PTPRU: variants seen among roughly 807,000 people sequenced by gnomAD.
PTPRU encodes the protein protein tyrosine phosphatase receptor type U, also known as receptor-type tyrosine-protein phosphatase U.
A neutral mutation model predicts 166.3 loss-of-function variants in PTPRU; 69 were observed. The ratio of observed to expected loss-of-function variants is 0.41; its 90% confidence interval spans 0.34 to 0.51. The LOEUF (loss-of-function observed/expected upper bound fraction) is 0.51. PTPRU is among the 20% of genes least tolerant of loss of function. The pLI is 0.09. For synonymous variants in PTPRU, 793 were observed against 814.0 expected (o/e 0.97, Z 0.44); for missense variants, 1,657 against 2,013.7 (o/e 0.82, Z 3.39).
chr1:29,295,108 C>T (rs761070906), intron 15 of PTPRU, among the ~76,000 whole-genome samples: 3 of 152,172 alleles, frequency 2.0e-5, no homozygotes, highest in Non-Finnish European at 4.4e-5. Flanking sequence ...ACAATCTGGG[C>T]TCACTGCAAC....
chr1:29,247,083 C>T (rs1035387512), intron 1 of PTPRU, among the ~76,000 whole-genome samples: 1 of 152,238 alleles, frequency 6.6e-6, no homozygotes, highest in Non-Finnish European at 1.5e-5. Context: ...ATCCCCTTAT[C>T]TCTCTGTTGT....
chr1:29,321,884 A>C (rs1044828618), intron 26 of PTPRU, among the ~76,000 whole-genome samples: 1 of 151,792 alleles, frequency 6.6e-6, no homozygotes, highest in East Asian at 1.9e-4. Context: ...AGCCCCTCTG[A>C]CTCCCCTGTT....
intron 7 of PTPRU, among the ~76,000 whole-genome samples, chr1:29,261,973 G>A (rs1187043785): frequency 6.6e-6 from 1 of 152,194 alleles, no homozygotes; most frequent in African/African-American, 2.4e-5. Flanking sequence ...TAATATCACA[G>A]TCAAGATATT....
chr1:29,248,719 C>A (rs1574604282), intron 1 of PTPRU, among the ~76,000 whole-genome samples: 3 of 152,144 alleles, frequency 2.0e-5, no homozygotes. Context: ...TGTGTTCACA[C>A]TGACACATAC....
At chr1:29,293,140 C>T (rs1686720067) in intron 15 of PTPRU, among the ~76,000 whole-genome samples, 1 of 152,156 alleles carries the variant, frequency 6.6e-6, no homozygotes, top group Non-Finnish European at 1.5e-5. Context: ...CCACCACACC[C>T]AGATAATTTT....
At chr1:29,259,640 C>T (rs980770000) in intron 5 of PTPRU, 76 bp downstream of exon 5, 1 of 1,400,072 alleles carries the variant, frequency 7.1e-7, no homozygotes, top group African/African-American at 1.4e-5. Context: ...TGACTCCCCC[C>T]AGATTGCTGA....
chr1:29,298,370 G>T (rs1686988165), intron 15 of PTPRU, among the ~76,000 whole-genome samples: 1 of 152,122 alleles, frequency 6.6e-6, no homozygotes, highest in South Asian at 2.1e-4. Context: ...CCACTTGCTG[G>T]TCTGCCTTCC....
In PTPRU at chr1:29,311,691, A is replaced by G. The variant is rs1687668853; in HGVS notation, c.3004A>G (p.Ile1002Val). The change falls in exon 21 of 30, where the codon ATC (isoleucine) becomes GTC (valine). Residue 1002 changes from isoleucine to valine, a missense_variant. Physicochemically the swap from Ile to Val is conservative, Grantham distance 29. This residue lies in a region of PTPRU where 1,190 missense variants were observed against 1,477.4 expected (regional missense o/e 0.81). Coordinates refer to ENST00000373779, the MANE Select transcript of PTPRU (RefSeq NM_133178.4). The surrounding 1 kb of genome is among the most constrained non-coding windows in gnomAD (Gnocchi z 4.1). ...GGAGGACTCAGACACCTACGGGGAC[A>G]TCAAGATTATGCTGGTGAAGACAGA... ...WPEDSDTYGD[I>V]KIMLVKTETL... 6.2e-7 allele frequency: 1 copy of G among 1,614,134 alleles called. No individual in the cohort carries two copies. The highest frequency in any genetic ancestry group is 8.5e-7 in the Non-Finnish European group (1 of 1,180,050).
intron 2 of PTPRU, 142 bp downstream of exon 2, chr1:29,255,548 A>C (rs1215302135): frequency 2.4e-6 from 3 of 1,274,802 alleles, no homozygotes; most frequent in African/African-American, 1.5e-5. Context: ...CGTGACACTG[A>C]ATGTGGCTTT....
chr1:29,312,251 C>T (rs913308371), intron 21 of PTPRU, among the ~76,000 whole-genome samples: 36 of 152,146 alleles, frequency 2.4e-4, no homozygotes, highest in African/African-American at 8.7e-4. Flanking sequence ...TATGTTTACA[C>T]AACAACCTGG....
intron 15 of PTPRU, among the ~76,000 whole-genome samples, chr1:29,301,850 T>C (rs1220053545): frequency 6.6e-6 from 1 of 152,214 alleles, no homozygotes; most frequent in African/African-American, 2.4e-5. Context: ...TTTCTGTCCT[T>C]GCAACAGTTT....
At chr1:29,322,819 G>A (rs1480634279) in intron 26 of PTPRU, among the ~76,000 whole-genome samples, 2 of 152,062 alleles carry the variant, frequency 1.3e-5, no homozygotes, top group African/African-American at 2.4e-5. Context: ...AGGTCATAGG[G>A]CTGTACCTCC....
intron 1 of PTPRU, among the ~76,000 whole-genome samples, chr1:29,241,351 T>G (rs969547953): frequency 3.3e-5 from 5 of 152,016 alleles, no homozygotes; most frequent in Non-Finnish European, 5.9e-5. Flanking sequence ...GGTGTATCCA[T>G]GTGTCTGGGA....
chr1:29,280,385 G>A lies in PTPRU; in HGVS notation c.1868+244G>A, dbSNP rs141614356. ...GGAGGACCCTGGATAGGTCCAGCCT[G>A]GAGAGGGGACTGTCCAGGCCTGTCC... On this transcript the variant is annotated intron_variant, in intron 11 of 29. Coordinates refer to ENST00000373779, the MANE Select transcript of PTPRU (RefSeq NM_133178.4). This position sits in a 1 kb window ranked among gnomAD's most constrained non-coding sequence, Gnocchi z 4.2. 3.1e-4 allele frequency among the ~76,000 whole-genome samples: 47 copies of A among 152,344 alleles called. 1 individual carries two copies. The East Asian group carries it at 8.9e-3, about 29-fold the overall frequency.
At chr1:29,295,416 T>C (rs1233164966) in intron 15 of PTPRU, among the ~76,000 whole-genome samples, 1 of 152,232 alleles carries the variant, frequency 6.6e-6, no homozygotes, top group African/African-American at 2.4e-5. Flanking sequence ...TGGTTTTGTA[T>C]TGAATTTATA....
intron 14 of PTPRU, among the ~76,000 whole-genome samples, chr1:29,288,433 G>A (rs1346802030): frequency 1.3e-5 from 2 of 152,214 alleles, no homozygotes; most frequent in African/African-American, 4.8e-5. Flanking sequence ...GCACTCGTGG[G>A]AGAGTGGTCC....
At chr1:29,262,682 G>C (rs1388579493) in intron 7 of PTPRU, among the ~76,000 whole-genome samples, 5 of 152,184 alleles carry the variant, frequency 3.3e-5, no homozygotes, top group Non-Finnish European at 7.3e-5. Context: ...AGGGGTCTTG[G>C]AATGTGTCCC....
At chr1:29,247,885 A>G (rs1281144698) in intron 1 of PTPRU, among the ~76,000 whole-genome samples, 1 of 151,974 alleles carries the variant, frequency 6.6e-6, no homozygotes, top group Non-Finnish European at 1.5e-5. Flanking sequence ...TGCTAGCTCA[A>G]CTTTCCCTGT....
In PTPRU at chr1:29,312,653, G is replaced by T. The variant is rs370363773; in HGVS notation, c.3174G>T (p.Arg1058=). The change falls in exon 22 of 30, where the codon CGG becomes CGT. Residue 1058 remains arginine, a synonymous_variant. Coordinates refer to ENST00000373779, the MANE Select transcript of PTPRU (RefSeq NM_133178.4). ...CCACGGGGCTGCTGGCTTTCATCCGGCGCGTGAAGGCCTCCACCCCACCTG... is the reference window on the plus strand; with the variant it reads ...CCACGGGGCTGCTGGCTTTCATCCGTCGCGTGAAGGCCTCCACCCCACCTG... ...YHATGLLAFI[R]RVKASTPPDA... 2.7e-5 allele frequency: 43 copies of T among 1,611,486 alleles called. No homozygotes were observed. The highest frequency in any genetic ancestry group is 3.6e-5 in the Non-Finnish European group (42 of 1,178,296).
Sources: allele counts gnomAD v4.1 joint callset (sites outside exome capture counted in the v4.1 genomes callset), GRCh38; gene constraint gnomAD v4.1.1; regional missense constraint gnomAD v4.1.1; non-coding constraint Gnocchi (gnomAD v3.1); transcripts MANE v1.5; gene names NCBI Gene and HGNC (gene_info 2026-07-23, HGNC 2026-07-21).